The following PAN3 variants were observed in gnomAD, a reference collection of about 807,000 sequenced individuals.
The protein encoded by PAN3 is PAN2-PAN3 deadenylation complex subunit PAN3.
A neutral mutation model predicts 96.2 loss-of-function variants in PAN3; 19 were observed. The ratio of observed to expected loss-of-function variants is 0.20; its 90% confidence interval spans 0.14 to 0.29. PAN3 has a LOEUF of 0.29. Among genes scored for constraint, PAN3 ranks in the 10% least tolerant of loss-of-function variants. PAN3 has a pLI of 1.00. For missense variants in PAN3, 882 were observed against 1,108.1 expected (o/e 0.80, Z 2.90); for synonymous variants, 433 against 406.6 (o/e 1.06, Z -0.78).
intron 5 of PAN3, among the ~76,000 whole-genome samples, chr13:28,202,414 A>AT (rs919372306): frequency 9.2e-5 from 14 of 151,812 alleles, no homozygotes; most frequent in Admixed American, 2.6e-4. Flanking sequence ...ATTTTTGTCA[A>AT]TTTTTTTTAG....
chr13:28,205,261 A>G (rs1879210525), intron 5 of PAN3, among the ~76,000 whole-genome samples: 1 of 152,154 alleles, frequency 6.6e-6, no homozygotes, highest in South Asian at 2.1e-4. Context: ...TGAAGCTTCA[A>G]GCTATCTACT....
intron 1 of PAN3, among the ~76,000 whole-genome samples, chr13:28,169,376 C>T (rs982411374): frequency 3.3e-5 from 5 of 151,246 alleles, no homozygotes; most frequent in African/African-American, 9.7e-5. Flanking sequence ...CTTACAGGTG[C>T]CCACCACCAC....
intron 1 of PAN3, among the ~76,000 whole-genome samples, chr13:28,169,081 G>C (rs1873951810): frequency 6.6e-6 from 1 of 151,830 alleles, no homozygotes; most frequent in Non-Finnish European, 1.5e-5. Context: ...ACTTAAAGTA[G>C]CTTGCAAAAA....
rs574146035 is a variant in PAN3 at position 28,282,603 on chromosome 13, A to G, written c.2384+1224A>G. On this transcript the variant is annotated intron_variant, in intron 17 of 18. Coordinates refer to ENST00000380958, the MANE Select transcript of PAN3 (RefSeq NM_175854.8). ...TCCCTACACACGTGCACGCACGTGCACACACACATGCACACATGAGTTGAA... is the reference window on the plus strand; with the variant it reads ...TCCCTACACACGTGCACGCACGTGCGCACACACATGCACACATGAGTTGAA... Among the ~76,000 whole-genome samples the G allele has an allele frequency of 1.5e-4, 23 of 152,328 alleles. 1 individual carries two copies. Among genetic ancestry groups the G allele is most frequent in the African/African-American group, 5.5e-4 (23 of 41,572 alleles).
intron 14 of PAN3, among the ~76,000 whole-genome samples, chr13:28,274,608 A>T (rs531214694): frequency 2.6e-5 from 4 of 152,138 alleles, no homozygotes; most frequent in African/African-American, 9.6e-5. Context: ...ATAAGAAAAA[A>T]ATCCCTGAGT....
chr13:28,176,411 A>T (rs1874999230), intron 2 of PAN3, 82 bp from the exon 3 acceptor site: 1 of 1,266,492 alleles, frequency 7.9e-7, no homozygotes, highest in African/African-American at 1.5e-5. Context: ...GGGAAGAAGC[A>T]AAGAGAGCCA....
chr13:28,277,217 T>C lies in PAN3; in HGVS notation c.2050-20T>C, dbSNP rs751747235. 1.3e-5 allele frequency: 21 copies of C among 1,593,696 alleles called. No homozygotes were observed. In the Admixed American group the frequency reaches 2.9e-4, roughly 22 times the overall value. ...CCTGTGAAATGAAAATTAAAAGTTA[T>C]ATTTATTCTTTCATGTCAGCAAGCA... On this transcript the variant is annotated intron_variant, in intron 14 of 18. Transcript: ENST00000380958.
At chr13:28,266,934 A>C (rs527805139) in intron 10 of PAN3, 58 bp downstream of exon 10, 2 of 1,389,866 alleles carry the variant, frequency 1.4e-6, no homozygotes, top group African/African-American at 1.4e-5. Flanking sequence ...AGATTATTCA[A>C]ACCTTCTTGA....
intron 6 of PAN3, among the ~76,000 whole-genome samples, chr13:28,255,156 T>C (rs1253386132): frequency 6.6e-6 from 1 of 152,162 alleles, no homozygotes; most frequent in Non-Finnish European, 1.5e-5. Context: ...CCTTTTCTTA[T>C]ATTGTGAGGT....
At chr13:28,252,798 G>A (rs964800766) in intron 6 of PAN3, among the ~76,000 whole-genome samples, 4 of 152,102 alleles carry the variant, frequency 2.6e-5, no homozygotes, top group African/African-American at 9.7e-5. Flanking sequence ...ATACGAAAGT[G>A]AAATATTCTT....
chr13:28,280,538 A>G lies in PAN3; in HGVS notation c.2316A>G (p.Ala772=), dbSNP rs749951104. The change falls in exon 16 of 19, where the codon GCA becomes GCG. Residue 772 remains alanine (A), a synonymous_variant. Coordinates refer to ENST00000380958, the MANE Select transcript of PAN3 (RefSeq NM_175854.8). ...ATGATGTCATAGAGGAAGACCTTGC[A>G]AAGGTAAAGAGTGTAAATTTTTTTT... ...MRNDVIEEDL[A]KEVQNGRLFR... is the part of the protein sequence containing the mutation. The G allele has an allele frequency of 6.2e-7, 1 of 1,603,330 alleles. No homozygotes were observed. The highest frequency in any genetic ancestry group is 2.2e-5 in the East Asian group (1 of 44,716).
chr13:28,292,544 G>A lies in PAN3; in HGVS notation c.*22G>A. On this transcript the variant is annotated 3_prime_UTR_variant, in exon 19 of 19. Transcript: ENST00000380958. ...GTAGTATTTGCTAAAAAAGCACGCA[G>A]GACATGGCTAAAGACCTTAACCAAT... 6.3e-7 allele frequency: 1 copy of A among 1,597,054 alleles called. No homozygotes were observed. The highest frequency in any genetic ancestry group is 8.5e-7 in the Non-Finnish European group (1 of 1,173,184).
chr13:28,236,518 G>C (rs942052618), intron 6 of PAN3, among the ~76,000 whole-genome samples: 1 of 151,990 alleles, frequency 6.6e-6, no homozygotes, highest in Non-Finnish European at 1.5e-5. Context: ...AGGATGTAAA[G>C]GAAAAAACTT....
At chr13:28,170,832 T>C (rs1184857322) in intron 1 of PAN3, among the ~76,000 whole-genome samples, 1 of 152,152 alleles carries the variant, frequency 6.6e-6, no homozygotes, top group Admixed American at 6.5e-5. Flanking sequence ...GTTTTGCTCT[T>C]GTTGCCCAGG....
At chr13:28,280,799 G>A (rs1189712567) in intron 16 of PAN3, among the ~76,000 whole-genome samples, 2 of 152,010 alleles carry the variant, frequency 1.3e-5, no homozygotes, top group Non-Finnish European at 2.9e-5. Context: ...GAGCTCAAGT[G>A]ATCCGCCCGC....
At chr13:28,171,282 A>T (rs1007151853) in intron 1 of PAN3, among the ~76,000 whole-genome samples, 1 of 144,814 alleles carries the variant, frequency 6.9e-6, no homozygotes, top group Admixed American at 6.7e-5. Flanking sequence ...GTTTTCTACT[A>T]CACTCTCACA....
At chr13:28,179,060 T>G (rs1206295441) in intron 4 of PAN3, among the ~76,000 whole-genome samples, 2 of 152,190 alleles carry the variant, frequency 1.3e-5, no homozygotes, top group Non-Finnish European at 2.9e-5. Flanking sequence ...GAGACATGGA[T>G]GAGAATAAGA....
At chr13:28,256,219 C>T in intron 6 of PAN3, 73 bp from the exon 7 acceptor site, 1 of 1,429,580 alleles carries the variant, frequency 7.0e-7, no homozygotes, top group African/African-American at 1.4e-5. Flanking sequence ...TGAATGTTTG[C>T]ATTTTATTTT....
At chr13:28,276,447 C>A (rs548012963) in intron 14 of PAN3, among the ~76,000 whole-genome samples, 3 of 152,232 alleles carry the variant, frequency 2.0e-5, no homozygotes, top group East Asian at 1.9e-4. Flanking sequence ...CTTGGGATGA[C>A]CATACTGTTT....
Sources: allele counts gnomAD v4.1 joint callset (sites outside exome capture counted in the v4.1 genomes callset), GRCh38; gene constraint gnomAD v4.1.1; transcripts MANE v1.5; gene names NCBI Gene and HGNC (gene_info 2026-07-23, HGNC 2026-07-21).